The following GRIK1 variants were observed in gnomAD, a reference collection of about 807,000 sequenced individuals.
GRIK1 encodes the protein glutamate receptor ionotropic, kainate 1.
In GRIK1, 69 loss-of-function variants were observed where a neutral mutation model predicts 105.7. That is an observed-to-expected ratio of 0.65 (90% confidence interval 0.54 to 0.80). GRIK1 has a LOEUF of 0.80. Among genes scored for constraint, GRIK1 ranks in the 30% least tolerant of loss-of-function variants. The pLI is 0.00. For synonymous variants in GRIK1, 438 were observed against 431.3 expected, an observed-to-expected ratio of 1.02 and a Z score of -0.19; for missense variants, 1,109 against 1,167.3, an observed-to-expected ratio of 0.95 and a Z score of 0.73.
At chr21:29,895,189 A>G (rs1031466758) in intron 1 of GRIK1, among the ~76,000 whole-genome samples, 22 of 152,180 alleles carry the variant, frequency 1.4e-4, no homozygotes, top group African/African-American at 4.6e-4. Context: ...TGAGATTTCA[A>G]GTGTGGTCAA....
At chr21:29,745,274 C>A (rs965508202) in intron 1 of GRIK1, among the ~76,000 whole-genome samples, 1 of 152,088 alleles carries the variant, frequency 6.6e-6, no homozygotes, top group African/African-American at 2.4e-5. Context: ...AACAACTGCA[C>A]GAGTAAACTC....
At chr21:29,853,623 T>A (rs469487) in intron 1 of GRIK1, among the ~76,000 whole-genome samples, 2 of 152,050 alleles carry the variant, frequency 1.3e-5, no homozygotes, top group South Asian at 2.1e-4. Context: ...TATGCTTTCC[T>A]CTAGTCAACT....
At chr21:29,781,977 C>A (rs1219914631) in intron 1 of GRIK1, among the ~76,000 whole-genome samples, 1 of 151,876 alleles carries the variant, frequency 6.6e-6, no homozygotes, top group Admixed American at 6.6e-5. Flanking sequence ...GCCTAACCTA[C>A]TGTTTCTAAA....
chr21:29,743,783 A>G (rs532078588), intron 1 of GRIK1, among the ~76,000 whole-genome samples: 4 of 152,212 alleles, frequency 2.6e-5, no homozygotes, highest in African/African-American at 9.6e-5. Context: ...AACATAAATC[A>G]AGTGAAAATT....
intron 1 of GRIK1, among the ~76,000 whole-genome samples, chr21:29,786,780 C>T (rs2066272068): frequency 6.6e-6 from 1 of 152,166 alleles, no homozygotes; most frequent in Non-Finnish European, 1.5e-5. Context: ...CAACAAAATC[C>T]TGCATTTGAT....
rs971004842 is a variant in GRIK1, at chr21:29,638,745, C to T, written c.1098+4081G>A. Among the ~76,000 whole-genome samples the T allele has an allele frequency of 3.9e-5, 6 of 152,328 alleles. 1 individual carries two copies. Among genetic ancestry groups the T allele is most frequent in the Middle Eastern group, 6.8e-3 (2 of 294 alleles). ...AGGTGTTAATCTAACTGCAATCTTA[C>T]TCCAATAGACTTCCTTTTCTTGAAA... On this transcript the variant is annotated intron_variant, in intron 7 of 17. Transcript: ENST00000327783.
intron 7 of GRIK1, among the ~76,000 whole-genome samples, chr21:29,633,150 C>T (rs967006008): frequency 5.3e-5 from 8 of 152,206 alleles, no homozygotes; most frequent in Middle Eastern, 3.2e-3. Context: ...AGAAAGCCCT[C>T]GCCAGAGACT....
chr21:29,739,282 A>C (rs1182126049), intron 1 of GRIK1, among the ~76,000 whole-genome samples: 1 of 152,172 alleles, frequency 6.6e-6, no homozygotes, highest in Non-Finnish European at 1.5e-5. Flanking sequence ...TGTGATGAGA[A>C]ACAGAAGACA....
intron 3 of GRIK1, among the ~76,000 whole-genome samples, chr21:29,686,925 T>C (rs2063496150): frequency 6.6e-6 from 1 of 152,114 alleles, no homozygotes; most frequent in South Asian, 2.1e-4. Context: ...GGGAGGTCAA[T>C]GGGCAGCAAT....
chr21:29,652,944 C>A (rs1230048549), intron 5 of GRIK1, among the ~76,000 whole-genome samples: 2 of 152,194 alleles, frequency 1.3e-5, no homozygotes, highest in Admixed American at 6.5e-5. Context: ...GGCAGTAGAA[C>A]TGTAAGAGCA....
intron 1 of GRIK1, among the ~76,000 whole-genome samples, chr21:29,783,324 T>C (rs2066174677): frequency 6.6e-6 from 1 of 152,176 alleles, no homozygotes; most frequent in Admixed American, 6.5e-5. Flanking sequence ...CATTTTCTAG[T>C]ACTTAGTAGC....
intron 13 of GRIK1, among the ~76,000 whole-genome samples, chr21:29,577,951 A>G (rs1320328002): frequency 2.6e-5 from 4 of 152,236 alleles, no homozygotes; most frequent in African/African-American, 9.6e-5. Context: ...AAATGATAAA[A>G]TAGAGGCACT....
chr21:29,912,122 A>C (rs2070838496), intron 1 of GRIK1, among the ~76,000 whole-genome samples: 1 of 152,032 alleles, frequency 6.6e-6, no homozygotes, highest in Non-Finnish European at 1.5e-5. Flanking sequence ...GGTGAACCTA[A>C]GTTAAAGGTG....
chr21:29,708,212 C>G (rs923287644), intron 1 of GRIK1, among the ~76,000 whole-genome samples: 2 of 152,150 alleles, frequency 1.3e-5, no homozygotes, highest in Non-Finnish European at 2.9e-5. Flanking sequence ...CAAGTTGCAT[C>G]CGTTTGATTA....
Position 29,684,789 on chromosome 21 carries a change from C to T in GRIK1, c.544+4939G>A, listed in dbSNP as rs532621390. On this transcript the variant is annotated intron_variant, in intron 3 of 17. Transcript: ENST00000327783. ...CCTTCCAAAGTGCTGGGATTATAGGCGTGAGCCACCACACCCGGCTGCAAA... is the reference window on the plus strand; with the variant it reads ...CCTTCCAAAGTGCTGGGATTATAGGTGTGAGCCACCACACCCGGCTGCAAA... Among the ~76,000 whole-genome samples the T allele has an allele frequency of 1.4e-4, 22 of 152,212 alleles. No homozygotes were observed. In the South Asian group the frequency reaches 4.1e-3, roughly 29 times the overall value.
chr21:29,796,724 A>C (rs2066568505), intron 1 of GRIK1, among the ~76,000 whole-genome samples: 1 of 152,144 alleles, frequency 6.6e-6, no homozygotes, highest in Non-Finnish European at 1.5e-5. Flanking sequence ...CGAGGTGAGC[A>C]GATCACTTGA....
intron 1 of GRIK1, among the ~76,000 whole-genome samples, chr21:29,834,969 G>C (rs944873226): frequency 1.3e-5 from 2 of 151,590 alleles, no homozygotes; most frequent in African/African-American, 4.9e-5. Flanking sequence ...CTTTAGCACA[G>C]GTTTGGCTCT....
At chr21:29,585,183 AGAACTACT>A (rs975111154) in intron 12 of GRIK1, among the ~76,000 whole-genome samples, 2 of 152,178 alleles carry the variant, frequency 1.3e-5, no homozygotes, top group African/African-American at 4.8e-5. Flanking sequence ...CTCGGTGAGT[AGAACTACT>A]GAATGGATTG....
At chr21:29,873,739 A>T (rs898450432) in intron 1 of GRIK1, among the ~76,000 whole-genome samples, 1 of 152,190 alleles carries the variant, frequency 6.6e-6, no homozygotes, top group African/African-American at 2.4e-5. Flanking sequence ...AAGGGCCTTG[A>T]ATGTCAGAAC....
Sources: gnomAD v4.1 joint callset for allele counts (sites outside exome capture counted in the v4.1 genomes callset) on GRCh38, gnomAD v4.1.1 for gene constraint, MANE v1.5 for transcripts, NCBI Gene and HGNC (gene_info 2026-07-23, HGNC 2026-07-21) for gene names.